TMEM130: variants seen among roughly 807,000 people sequenced by gnomAD.
TMEM130 encodes transmembrane protein 130.
TMEM130 carries 37 observed loss-of-function variants against 42.9 expected under a neutral mutation model. The ratio of observed to expected loss-of-function variants is 0.86; its 90% CI spans 0.66 to 1.13. The LOEUF (loss-of-function observed/expected upper bound fraction) is 1.13. Among genes scored for constraint, TMEM130 ranks in the 50% most tolerant of loss-of-function variants. The probability of loss-of-function intolerance (pLI) is 0.00; values close to 1 mark genes in which losing one functional copy is unlikely to be tolerated. For missense variants in TMEM130, 545 were observed against 562.6 expected (o/e 0.97, Z 0.32); for synonymous variants, 259 against 237.7 (o/e 1.09, Z -0.82).
At chr7:98,848,791 C>A in intron 6 of TMEM130, 96 bp from the exon 7 acceptor site, 1 of 869,726 alleles carries the variant, frequency 1.1e-6, no homozygotes, top group East Asian at 2.5e-5. Context: ...AATGGTCAAG[C>A]CCCACCAGTG....
intron 5 of TMEM130, among the ~76,000 whole-genome samples, chr7:98,851,908 C>A (rs868932679): frequency 6.6e-6 from 1 of 152,030 alleles, no homozygotes; most frequent in South Asian, 2.1e-4. Flanking sequence ...ACATGGTGTA[C>A]CATAGAAGCC....
chr7:98,866,322 A>G (rs1794906632), intron 1 of TMEM130: 1 of 152,238 alleles, frequency 6.6e-6, no homozygotes, highest in African/African-American at 2.4e-5. Context: ...AAATAAATAA[A>G]TACATAAATC....
Position 98,847,968 on chromosome 7 carries a change from C to A in TMEM130, c.*88G>T. ...GGCCAACAGCCCCACGCAAATGAAC[C>A]CCTCCTGGTCAGTGGTGCACACCAC... On this transcript the variant is annotated 3_prime_UTR_variant, in exon 8 of 8. Transcript: ENST00000339375. The A allele has an allele frequency of 7.5e-7, 1 of 1,327,736 alleles. No individual in the cohort carries two copies. Among genetic ancestry groups the A allele is most frequent in the Non-Finnish European group, 1.1e-6 (1 of 950,248 alleles). 82.2% of individuals were successfully genotyped at this position (1,327,736 alleles called of 1,614,324 possible).
In TMEM130 at chr7:98,863,877, C is replaced by CCT. The variant is rs370506746; in HGVS notation, c.86-479_86-478dup. ...TTCCTTCTTTCTTTCTTCCTTTCTT[C>CCT]CTCTCTCTCTCTCTCTCACTCTCTC... On this transcript the variant is annotated intron_variant, in intron 1 of 7. Coordinates refer to ENST00000339375, the MANE Select transcript of TMEM130 (RefSeq NM_152913.3). Among the ~76,000 whole-genome samples the CCT allele has an allele frequency of 4.3e-3, 611 of 143,236 alleles. 3 individuals are homozygous for CCT. Among genetic ancestry groups the CCT allele is most frequent in the African/African-American group, 0.014 (561 of 38,784 alleles). 94.0% of individuals were successfully genotyped at this position (143,236 alleles called of 152,430 possible).
intron 1 of TMEM130, among the ~76,000 whole-genome samples, chr7:98,864,776 T>G (rs973797140): frequency 6.6e-6 from 1 of 152,062 alleles, no homozygotes; most frequent in African/African-American, 2.4e-5. Context: ...GGTGCATGAC[T>G]GTAATCCCAG....
chr7:98,854,551 C>G (rs191066407), intron 5 of TMEM130, among the ~76,000 whole-genome samples: 75 of 152,322 alleles, frequency 4.9e-4, no homozygotes, highest in Non-Finnish European at 9.3e-4. Flanking sequence ...CTAGCTTGAG[C>G]AACATAGTGA....
chr7:98,855,215 C>G (rs782063586), intron 5 of TMEM130, 25 bp downstream of exon 5: 2 of 1,603,270 alleles, frequency 1.2e-6, no homozygotes, highest in Middle Eastern at 1.7e-4. Flanking sequence ...CGGGGCACCC[C>G]CAGTGCGCTC....
At chr7:98,855,162 G>T in intron 5 of TMEM130, 78 bp downstream of exon 5, 1 of 1,344,898 alleles carries the variant, frequency 7.4e-7, no homozygotes, top group South Asian at 1.4e-5. Flanking sequence ...TCACAGAGCA[G>T]AACAGACTTG....
intron 4 of TMEM130, 68 bp downstream of exon 4, chr7:98,855,949 T>G: frequency 6.4e-7 from 1 of 1,553,558 alleles, no homozygotes; most frequent in East Asian, 2.3e-5. Flanking sequence ...CCAGAGCCAC[T>G]GTGATCTGTG....
At chr7:98,865,111 G>A (rs1249742273) in intron 1 of TMEM130, among the ~76,000 whole-genome samples, 1 of 152,218 alleles carries the variant, frequency 6.6e-6, no homozygotes, top group Admixed American at 6.5e-5. Context: ...CAGGTGTTTG[G>A]TACTGCTGTT....
At position 98,851,635 on chromosome 7, in the gene TMEM130, TGGG is replaced by T; in HGVS notation, c.804-15_804-13del. On this transcript the variant is annotated splice_polypyrimidine_tract_variant and intron_variant, in intron 5 of 7. Transcript: ENST00000339375. ...CAGTCAGAGGAGGGCTGCAGGGAAA[TGGG>T]GGCGGTTTTTAAGAAAAGGCTCAGC... 6.3e-7 allele frequency: 1 copy of T among 1,598,762 alleles called. No individual in the cohort carries two copies. The highest frequency in any genetic ancestry group is 1.1e-5 in the South Asian group (1 of 89,706).
chr7:98,853,437 G>A (rs1166739742), intron 5 of TMEM130, among the ~76,000 whole-genome samples: 2 of 152,096 alleles, frequency 1.3e-5, no homozygotes, highest in Admixed American at 1.3e-4. Context: ...AAACCAGCCT[G>A]GCCGACATGA....
chr7:98,852,050 G>A (rs535510498), intron 5 of TMEM130, among the ~76,000 whole-genome samples: 33 of 152,280 alleles, frequency 2.2e-4, no homozygotes, highest in African/African-American at 7.5e-4. Context: ...GAGCTCAAGC[G>A]ATCTTCCTGC....
intron 1 of TMEM130, among the ~76,000 whole-genome samples, chr7:98,863,617 CCTTCCTTCCCTCCCTCCCTCCCTCCTT>C (rs1288906649): frequency 5.3e-4 from 80 of 151,524 alleles, no homozygotes; most frequent in African/African-American, 1.9e-3. Context: ...ATTTCCCCTT[CCTTCCTTCCCTCCCTCCCTCCCTCCTT>C]CTTCCTTCCC....
Position 98,860,313 on chromosome 7 carries a change from GACA to G in TMEM130, c.414_416del (p.Val139del). 6.2e-7 allele frequency: 1 copy of G among 1,600,792 alleles called. No individual in the cohort carries two copies. Among genetic ancestry groups the G allele is most frequent in the Non-Finnish European group, 8.5e-7 (1 of 1,172,178 alleles). ...GCCAGGGTAGGGAAGTGTTCTGGGT[GACA>G]ACAAGGTCCCCCACGAGGAACTCTG... is the stretch of plus-strand genomic sequence containing the variant. On this transcript the variant is annotated inframe_deletion, in exon 3 of 8. Coordinates refer to ENST00000339375, the MANE Select transcript of TMEM130 (RefSeq NM_152913.3).
intron 4 of TMEM130, among the ~76,000 whole-genome samples, 179 bp from the exon 5 acceptor site, chr7:98,855,503 G>C (rs1794610070): frequency 6.6e-6 from 1 of 152,210 alleles, no homozygotes. Flanking sequence ...GGCAGGTGCT[G>C]AAGCCTGCTC....
intron 6 of TMEM130, among the ~76,000 whole-genome samples, chr7:98,850,536 C>T (rs1345578181): frequency 2.6e-5 from 4 of 151,794 alleles, no homozygotes; most frequent in African/African-American, 9.7e-5. Flanking sequence ...ACCTCGGCCT[C>T]TCAAAGTGCT....
At chr7:98,868,757 T>C (rs898598316) in intron 1 of TMEM130, among the ~76,000 whole-genome samples, 99 of 152,188 alleles carry the variant, frequency 6.5e-4, no homozygotes, top group African/African-American at 2.3e-3. Flanking sequence ...TTCACTTTTG[T>C]TATTATTTTC....
intron 1 of TMEM130, among the ~76,000 whole-genome samples, chr7:98,864,557 C>A (rs189966568): frequency 1.3e-5 from 2 of 151,930 alleles, no homozygotes; most frequent in East Asian, 3.9e-4. Context: ...GGTCTCATGC[C>A]TCTGGATTCC....
Sources: allele counts gnomAD v4.1 joint callset (sites outside exome capture counted in the v4.1 genomes callset), GRCh38; gene constraint gnomAD v4.1.1; transcripts MANE v1.5; gene names NCBI Gene and HGNC (gene_info 2026-07-23, HGNC 2026-07-21).